DHCR24: variants seen among roughly 807,000 people sequenced by gnomAD.
DHCR24 encodes the protein 24-dehydrocholesterol reductase.
DHCR24 carries 28 observed loss-of-function variants against 61.2 expected under a neutral mutation model. The ratio of observed to expected loss-of-function variants is 0.46; its 90% CI spans 0.34 to 0.63. The LOEUF (loss-of-function observed/expected upper bound fraction) is 0.63. Ranked by LOEUF, DHCR24 falls within the 20% of genes least tolerant of loss-of-function variation. DHCR24 has a pLI of 0.01. For synonymous variants in DHCR24, 261 were observed against 275.9 expected, an observed-to-expected ratio of 0.95 and a Z score of 0.54; for missense variants, 538 against 679.1, an observed-to-expected ratio of 0.79 and a Z score of 2.31.
chr1:54,853,603 T>C lies in DHCR24; in HGVS notation c.1228A>G (p.Ile410Val), dbSNP rs1646890427. 1.9e-6 allele frequency: 3 copies of C among 1,613,734 alleles called. No individual in the cohort carries two copies. The highest frequency in any genetic ancestry group is 2.5e-6 in the Non-Finnish European group (3 of 1,179,900). The change falls in exon 8 of 9, where the codon ATC becomes GTC. Residue 410 changes from isoleucine to valine, a missense_variant. Transcript: ENST00000371269. ...TFQNDIHVYP[I>V]WLCPFILPSQ... Reference sequence around the variant, plus strand: ...GGCAGGATGAACGGACACAGCCAGATGGGGTAGACCTGGGTAGACCAGGGA... The same window carrying C: ...GGCAGGATGAACGGACACAGCCAGACGGGGTAGACCTGGGTAGACCAGGGA...
intron 6 of DHCR24, 128 bp from the exon 7 acceptor site, chr1:54,854,362 T>A: frequency 5.3e-6 from 4 of 751,028 alleles, no homozygotes; most frequent in Non-Finnish European, 6.6e-6. Context: ...AATTCCCCTC[T>A]TTGGAGGGGG....
At chr1:54,865,262 C>G in intron 6 of DHCR24, 41 bp downstream of exon 6, 4 of 1,599,382 alleles carry the variant, frequency 2.5e-6, no homozygotes, top group Non-Finnish European at 3.4e-6. Flanking sequence ...CCCTGCCCAG[C>G]TGGCCTGGAG....
chr1:54,860,975 G>A (rs532150374), intron 6 of DHCR24, among the ~76,000 whole-genome samples: 4 of 144,522 alleles, frequency 2.8e-5, no homozygotes, highest in South Asian at 2.3e-4. Context: ...GCGACAGAGC[G>A]AGACTTCATC....
In DHCR24 at chr1:54,853,723, C is replaced by A. The variant is rs1178707053; in HGVS notation, c.1219-111G>T. 8.6e-6 allele frequency: 11 copies of A among 1,274,360 alleles called. No individual in the cohort carries two copies. In the East Asian group the frequency reaches 2.8e-4, roughly 32 times the overall value. 78.9% of individuals were successfully genotyped at this position (1,274,360 alleles called of 1,614,324 possible). ...GAAGGCTTTGCAGCATTCTCAAGAC[C>A]CCCTCAGGTGCTCTCAGCTTCACTG... On this transcript the variant is annotated intron_variant, in intron 7 of 8. Transcript: ENST00000371269.
chr1:54,857,028 T>A (rs1646911499), intron 6 of DHCR24, among the ~76,000 whole-genome samples: 1 of 152,246 alleles, frequency 6.6e-6, no homozygotes. Flanking sequence ...AAAAGCCATT[T>A]GTGTTTTTTT....
chr1:54,885,548 G>A (rs1317630352), intron 1 of DHCR24, among the ~76,000 whole-genome samples: 1 of 152,182 alleles, frequency 6.6e-6, no homozygotes, highest in Admixed American at 6.5e-5. Context: ...CTCACACTCT[G>A]AAACTCAATT....
chr1:54,849,899 T>C lies in DHCR24; in HGVS notation c.*2334A>G, dbSNP rs1299269937. On this transcript the variant is annotated 3_prime_UTR_variant, in exon 9 of 9. Transcript: ENST00000371269. ...TACAATTCTGATTCTAAAGAAAACCTTCATGCAGCCAAGAAACTCAGGGCT... is the reference window on the plus strand; with the variant it reads ...TACAATTCTGATTCTAAAGAAAACCCTCATGCAGCCAAGAAACTCAGGGCT... The C allele has an allele frequency of 3.3e-5, 5 of 152,660 alleles. No individual in the cohort carries two copies. Among genetic ancestry groups the C allele is most frequent in the Non-Finnish European group, 7.3e-5 (5 of 68,066 alleles). The allele number at this position is 152,660 out of a possible 1,614,324, so 9.5% of individuals were successfully genotyped here.
At chr1:54,885,897 T>C (rs967950784) in intron 1 of DHCR24, among the ~76,000 whole-genome samples, 2 of 152,140 alleles carry the variant, frequency 1.3e-5, no homozygotes, top group African/African-American at 4.8e-5. Flanking sequence ...GAGCCATGAC[T>C]GTGACCAGCA....
chr1:54,883,587 CT>C lies in DHCR24; in HGVS notation c.387+30del, dbSNP rs1647076253. ...TGCACCAGGGGCAGTGCCCCACCTG[CT>C]CCCAGAGCCCGGAAAAGTGCTACTC... On this transcript the variant is annotated intron_variant, in intron 2 of 8. Transcript: ENST00000371269. The surrounding 1 kb of genome is among the most constrained non-coding windows in gnomAD (Gnocchi z 4.3). The C allele has an allele frequency of 6.2e-7, 1 of 1,614,012 alleles. No individual in the cohort carries two copies.
intron 6 of DHCR24, 21 bp from the exon 7 acceptor site, chr1:54,854,255 T>G: frequency 1.2e-6 from 2 of 1,603,682 alleles, no homozygotes; most frequent in Non-Finnish European, 1.7e-6. Flanking sequence ...AAGATTAGGG[T>G]TGGAGAGAAA....
chr1:54,875,057 C>A, intron 4 of DHCR24, 36 bp downstream of exon 4: 1 of 1,571,160 alleles, frequency 6.4e-7, no homozygotes. Flanking sequence ...ATGCCCAGAG[C>A]AGGCTGGCAT....
chr1:54,870,845 ACAAATCCTTTCCAAGTCTCTTACAATAAG>A (rs1399093364), intron 5 of DHCR24, among the ~76,000 whole-genome samples: 6 of 43,818 alleles, frequency 1.4e-4, no homozygotes, highest in Non-Finnish European at 4.7e-4. Context: ...TACAATAAGC[ACAAATCCTTTCCAAGTCTCTTACAATAAG>A]CACAAATCCT....
At chr1:54,879,463 T>A (rs1647053872) in intron 2 of DHCR24, among the ~76,000 whole-genome samples, 1 of 150,890 alleles carries the variant, frequency 6.6e-6, no homozygotes, top group African/African-American at 2.4e-5. Flanking sequence ...TTAACTTAAA[T>A]ACACAGCAAC....
At chr1:54,875,886 C>T (rs1451571736) in intron 3 of DHCR24, 56 bp downstream of exon 3, 1 of 1,451,580 alleles carries the variant, frequency 6.9e-7, no homozygotes, top group Non-Finnish European at 9.7e-7. Flanking sequence ...CAAGGCCCAT[C>T]AGCTCCGGTC....
rs767905841 is a variant in DHCR24, at chr1:54,852,369, G to A, written c.1415C>T (p.Ala472Val). Residue 472 changes from alanine (A) to valine (V), a missense_variant, in exon 9 of 9, where the codon GCC (alanine) becomes GTC (valine). Coordinates refer to ENST00000371269, the MANE Select transcript of DHCR24 (RefSeq NM_014762.4). ...RSVHGFQMLY[A>V]DCYMNREEFW... ...CTCCTCCCGGTTCATGTAGCAGTCGGCATACAGCATCTGGAAGCTGCAGAG... is the reference window on the plus strand; with the variant it reads ...CTCCTCCCGGTTCATGTAGCAGTCGACATACAGCATCTGGAAGCTGCAGAG... 1 of 1,614,046 alleles carries A rather than the reference G, an allele frequency of 6.2e-7. No homozygotes were observed. The highest frequency in any genetic ancestry group is 8.5e-7 in the Non-Finnish European group (1 of 1,180,036).
intron 5 of DHCR24, among the ~76,000 whole-genome samples, chr1:54,866,669 AC>A (rs11366405): frequency 0.46 from 69,566 of 151,922 alleles, 18,191 homozygotes; most frequent in South Asian, 0.66. Context: ...GACCTGCTCT[AC>A]CCTACAGCCA....
At chr1:54,870,352 C>A (rs1424430556) in intron 5 of DHCR24, among the ~76,000 whole-genome samples, 3 of 152,166 alleles carry the variant, frequency 2.0e-5, no homozygotes, top group Admixed American at 1.3e-4. Context: ...TATATTTCAG[C>A]ATTGTTACAT....
chr1:54,883,539 A>C lies in DHCR24; in HGVS notation c.387+79T>G. On this transcript the variant is annotated intron_variant, in intron 2 of 8. Transcript: ENST00000371269. The surrounding 1 kb of genome is among the most constrained non-coding windows in gnomAD (Gnocchi z 4.3). The stretch of plus-strand genomic sequence containing the variant: ...GTCCACTCTGCAATGCCCTTGGCTA[A>C]AATCATCTCCCTATGAGTCACTTGC... 1 of 1,581,006 alleles carries C rather than the reference A, an allele frequency of 6.3e-7. No individual in the cohort carries two copies. Among genetic ancestry groups the C allele is most frequent in the South Asian group, 1.1e-5 (1 of 89,822 alleles).
In DHCR24 at chr1:54,883,421, T is replaced by C. The variant is rs372633337; in HGVS notation, c.387+197A>G. ...CCTGTGGAAACGCAAAGGGTTCCCC[T>C]GACCTATTATGACCCATCTCTCCCC... On this transcript the variant is annotated intron_variant, in intron 2 of 8. Transcript: ENST00000371269. The surrounding 1 kb of genome is among the most constrained non-coding windows in gnomAD (Gnocchi z 4.3). 3.9e-5 allele frequency among the ~76,000 whole-genome samples: 6 copies of C among 152,310 alleles called. No homozygotes were observed. The highest frequency in any genetic ancestry group is 1.2e-4 in the African/African-American group (5 of 41,564).
Sources: gnomAD v4.1 joint callset for allele counts (sites outside exome capture counted in the v4.1 genomes callset) on GRCh38, gnomAD v4.1.1 for gene constraint, Gnocchi (gnomAD v3.1) non-coding constraint, MANE v1.5 for transcripts, NCBI Gene and HGNC (gene_info 2026-07-23, HGNC 2026-07-21) for gene names.